CCDC187: variants seen among roughly 807,000 people sequenced by gnomAD.
The protein encoded by CCDC187 is coiled-coil domain containing 187, also known as coiled-coil domain-containing protein 187.
CCDC187 carries 32 observed loss-of-function variants against 38.0 expected under a neutral mutation model. That is an observed-to-expected ratio of 0.84 (90% confidence interval 0.64 to 1.13). The LOEUF is 1.13. Ranked by LOEUF, CCDC187 falls within the 50% of genes most tolerant of loss-of-function variation. The probability of loss-of-function intolerance (pLI) is 0.00; values close to 1 mark genes in which losing one functional copy is unlikely to be tolerated. For missense variants in CCDC187, 707 were observed against 786.8 expected, an observed-to-expected ratio of 0.90 and a Z score of 1.21; for synonymous variants, 333 against 347.9, an observed-to-expected ratio of 0.96 and a Z score of 0.48.
At chr9:136,259,265 C>A (rs1373657852) in intron 21 of CCDC187, 98 bp downstream of exon 21, 2 of 365,918 alleles carry the variant, frequency 5.5e-6, no homozygotes, top group African/African-American at 4.9e-5. Context: ...GGGAGGGTAC[C>A]AAGATGAAGA....
At chr9:136,301,690 C>A (rs1003866427) in intron 2 of CCDC187, among the ~76,000 whole-genome samples, 7 of 151,460 alleles carry the variant, frequency 4.6e-5, no homozygotes, top group Non-Finnish European at 1.0e-4. Context: ...GGATTCACGC[C>A]ATTCTCCTGC....
intron 9 of CCDC187, among the ~76,000 whole-genome samples, chr9:136,282,013 C>T (rs1193015362): frequency 2.6e-5 from 4 of 152,308 alleles, no homozygotes; most frequent in South Asian, 2.1e-4. Flanking sequence ...GCACTCGGAC[C>T]CCAGGGGGAA....
chr9:136,289,897 C>G, intron 7 of CCDC187, 62 bp downstream of exon 7: 1 of 359,694 alleles, frequency 2.8e-6, no homozygotes, highest in Admixed American at 5.3e-5. Context: ...GCACCCAGAA[C>G]TGTTCTTGGC....
chr9:136,252,466 G>A lies in CCDC187; in HGVS notation c.*1128C>T. On this transcript the variant is annotated 3_prime_UTR_variant, in exon 26 of 26. Transcript: ENST00000638797. ...TCCAGGCAACCGTCCCGCACAGCCG[G>A]CCGCCCACCCGGTCCACCCTGGGAA... 1 of 199,176 alleles carries A rather than the reference G, an allele frequency of 5.0e-6. No individual in the cohort carries two copies. The highest frequency in any genetic ancestry group is 5.4e-5 in the South Asian group (1 of 18,648). The allele number at this position is 199,176 out of a possible 1,614,324, so 12.3% of individuals were successfully genotyped here. A position where few individuals can be genotyped will look rare whatever the true frequency, so the allele number is the denominator to read the frequency against.
chr9:136,259,260 G>A (rs1034290604), intron 21 of CCDC187, 103 bp downstream of exon 21: 1 of 308,746 alleles, frequency 3.2e-6, no homozygotes, highest in African/African-American at 2.3e-5. Flanking sequence ...TGGGGGGGAG[G>A]GTACCAAGAT....
chr9:136,285,187 G>A (rs1831145466), intron 9 of CCDC187, among the ~76,000 whole-genome samples: 1 of 152,110 alleles, frequency 6.6e-6, no homozygotes, highest in Admixed American at 6.5e-5. Context: ...GACCACCCGA[G>A]TCACTGTCCC....
chr9:136,251,025 C>T lies in CCDC187; in HGVS notation c.*2569G>A, dbSNP rs192707057. 1 of 456,232 alleles carries T rather than the reference C, an allele frequency of 2.2e-6. No individual in the cohort carries two copies. The highest frequency in any genetic ancestry group is 2.0e-5 in the African/African-American group (1 of 50,208). 28.3% of individuals were successfully genotyped at this position (456,232 alleles called of 1,614,324 possible). ...GCTTTGCCACGCCAGCTTTGTGATG[C>T]CTCCCACCAGACTGCATGCATAAAG... On this transcript the variant is annotated 3_prime_UTR_variant, in exon 26 of 26. Coordinates refer to ENST00000638797, the MANE Select transcript of CCDC187 (RefSeq NM_001378188.1).
At position 136,302,120 on chromosome 9, in the gene CCDC187, G is replaced by A. The variant is rs900812278; in HGVS notation, c.625+692C>T. Among the ~76,000 whole-genome samples, 3 of 152,048 alleles carry A rather than the reference G, an allele frequency of 2.0e-5. No individual in the cohort carries two copies. In the East Asian group the frequency reaches 5.8e-4, roughly 30 times the overall value. On this transcript the variant is annotated intron_variant, in intron 2 of 25. Coordinates refer to ENST00000638797, the MANE Select transcript of CCDC187 (RefSeq NM_001378188.1). ...AGCTACTCGGGAGGCTGAGGCAGGA[G>A]AATCGCTTGAACCCGCAATGAGATT...
chr9:136,290,085 C>A, intron 6 of CCDC187, 32 bp from the exon 7 acceptor site: 3 of 398,782 alleles, frequency 7.5e-6, no homozygotes, highest in Non-Finnish European at 8.8e-6. Flanking sequence ...TCAGAGCCCC[C>A]CGCTCGGGAA....
chr9:136,305,191 C>T (rs1284504816), upstream of CCDC187, among the ~76,000 whole-genome samples: 1 of 152,370 alleles, frequency 6.6e-6, no homozygotes, highest in East Asian at 1.9e-4. Context: ...TCCAGCCCCA[C>T]CTGGCCTGTC....
Position 136,292,915 on chromosome 9 carries a change from G to A in CCDC187, c.833-620C>T, listed in dbSNP as rs920010629. Among the ~76,000 whole-genome samples the A allele has an allele frequency of 1.8e-3, 279 of 152,328 alleles. 1 individual carries two copies. The highest frequency in any genetic ancestry group is 5.3e-3 in the African/African-American group (220 of 41,572). Reference sequence around the variant, plus strand: ...ACGGCCCCACGTCCCGAGTACAAACGAGCCTTCGCACGCAAATGGCATCAT... The same window carrying A: ...ACGGCCCCACGTCCCGAGTACAAACAAGCCTTCGCACGCAAATGGCATCAT... On this transcript the variant is annotated intron_variant, in intron 4 of 25. Transcript: ENST00000638797.
chr9:136,305,566 G>C (rs1831789873), upstream of CCDC187, among the ~76,000 whole-genome samples: 1 of 152,212 alleles, frequency 6.6e-6, no homozygotes, highest in Admixed American at 6.5e-5. Context: ...TGGGCTCTCA[G>C]CCCTGCTCCC....
At chr9:136,287,648 C>T (rs965064078) in intron 7 of CCDC187, among the ~76,000 whole-genome samples, 2 of 152,262 alleles carry the variant, frequency 1.3e-5, no homozygotes, top group South Asian at 2.1e-4. Context: ...ATTGTCTCCG[C>T]GATTGGCCTT....
Position 136,286,282 on chromosome 9 carries a change from G to A in CCDC187, c.2636C>T (p.Thr879Met), listed in dbSNP as rs1054631010. The A allele has an allele frequency of 9.3e-5, 37 of 398,664 alleles. No individual in the cohort carries two copies. The highest frequency in any genetic ancestry group is 2.6e-4 in the Admixed American group (6 of 22,734). The allele number at this position is 398,664 out of a possible 1,614,324, so 24.7% of individuals were successfully genotyped here. A position where few individuals can be genotyped will look rare whatever the true frequency, so the allele number is the denominator to read the frequency against. The change falls in exon 8 of 26, where the codon ACG becomes ATG. Residue 879 changes from threonine to methionine, a missense_variant. Transcript: ENST00000638797. ...TCCAGGGCAGGCTGGGGTGGCAAGCGTGGGGGTGGCGAGCGTGGGGGCGGC... is the reference window on the plus strand; with the variant it reads ...TCCAGGGCAGGCTGGGGTGGCAAGCATGGGGGTGGCGAGCGTGGGGGCGGC... ...LPAAPTLATP[T>M]LATPACPGAL... is the part of the protein sequence containing the mutation.
rs1588647900 is a variant in CCDC187, at chr9:136,254,671, G to A, written c.5157C>T (p.Ser1719=). The part of the protein sequence containing the change: ...GRRAGPLRGS[S]LDTAMAEVSA... ...AAACTTCTGCCATGGCCGTGTCCAA[G>A]GAGGAGCCACGCAGGGGGCCGGCCC... The change falls in exon 26 of 26, where the codon TCC becomes TCT. Residue 1719 remains serine, a synonymous_variant. Coordinates refer to ENST00000638797, the MANE Select transcript of CCDC187 (RefSeq NM_001378188.1). 1 of 985,530 alleles carries A rather than the reference G, an allele frequency of 1.0e-6. No homozygotes were observed. The highest frequency in any genetic ancestry group is 1.1e-4 in the East Asian group (1 of 8,812). The allele number at this position is 985,530 out of a possible 1,614,324, so 61.0% of individuals were successfully genotyped here.
rs1413552379 is a variant in CCDC187 at position 136,264,451 on chromosome 9, C to T, written c.3736-653G>A. Among the ~76,000 whole-genome samples the T allele has an allele frequency of 1.3e-5, 2 of 152,200 alleles. No homozygotes were observed. Among genetic ancestry groups the T allele is most frequent in the East Asian group, 1.9e-4 (1 of 5,192 alleles). On this transcript the variant is annotated intron_variant, in intron 17 of 25. Transcript: ENST00000638797. This position sits in a 1 kb window ranked among gnomAD's most constrained non-coding sequence, Gnocchi z 4.3. ...CAGCGCCTGTTCTGCCAGGCCCCGT[C>T]GTTGCCATGTGACATGCAGACCCCT...
chr9:136,280,482 C>T (rs975239961), intron 10 of CCDC187, among the ~76,000 whole-genome samples: 5 of 152,194 alleles, frequency 3.3e-5, no homozygotes, highest in African/African-American at 1.2e-4. Context: ...AAGCCCTCCC[C>T]TCCATACACA....
chr9:136,288,390 C>T, intron 7 of CCDC187, among the ~76,000 whole-genome samples: 1 of 152,284 alleles, frequency 6.6e-6, no homozygotes, highest in South Asian at 2.1e-4. Context: ...GCCTGAAGCC[C>T]CCAATACCAG....
chr9:136,291,729 A>C, intron 5 of CCDC187, 84 bp from the exon 6 acceptor site: 1 of 398,210 alleles, frequency 2.5e-6, no homozygotes. Flanking sequence ...GGAGGCAAGG[A>C]GTGTGGGGGC....
Sources: allele counts gnomAD v4.1 joint callset (sites outside exome capture counted in the v4.1 genomes callset), GRCh38; gene constraint gnomAD v4.1.1; non-coding constraint Gnocchi (gnomAD v3.1); transcripts MANE v1.5; gene names NCBI Gene and HGNC (gene_info 2026-07-23, HGNC 2026-07-21).